The following UIMC1 variants were observed in gnomAD, a reference collection of about 807,000 sequenced individuals.
The protein encoded by UIMC1 is BRCA1-A complex subunit RAP80.
Under a neutral mutation model 84.9 loss-of-function variants are expected in UIMC1, and 42 were observed. The ratio of observed to expected loss-of-function variants is 0.49; its 90% confidence interval spans 0.39 to 0.64. The LOEUF (loss-of-function observed/expected upper bound fraction) is 0.64, where lower values mean the gene tolerates loss of function less well. Ranked by LOEUF, UIMC1 falls within the 30% of genes least tolerant of loss-of-function variation. The pLI is 0.00. For synonymous variants in UIMC1, 281 were observed against 293.0 expected (o/e 0.96, Z 0.42); for missense variants, 825 against 847.6 (o/e 0.97, Z 0.33).
At chr5:176,915,504 G>T (rs188426391) in intron 10 of UIMC1, among the ~76,000 whole-genome samples, 1 of 150,090 alleles carries the variant, frequency 6.7e-6, no homozygotes, top group Non-Finnish European at 1.5e-5. Context: ...CACCCAGGCT[G>T]GAGTGCAGTG....
At chr5:176,973,306 A>T (rs994360191) in intron 3 of UIMC1, among the ~76,000 whole-genome samples, 6 of 152,206 alleles carry the variant, frequency 3.9e-5, no homozygotes, top group Non-Finnish European at 5.9e-5. Context: ...AAATAAAATA[A>T]AATAAAAATC....
In UIMC1 at chr5:176,947,871, G is replaced by C. The variant is rs148353194; in HGVS notation, c.1443+3603C>G. ...TTTTCAAAAGAGGTACTTAGATACT[G>C]AATCTCGACATCTTAAAGGTTGTTG... On this transcript the variant is annotated intron_variant, in intron 9 of 14. Coordinates refer to ENST00000511320, the MANE Select transcript of UIMC1 (RefSeq NM_001199298.2). Among the ~76,000 whole-genome samples the C allele has an allele frequency of 9.1e-3, 1,368 of 151,044 alleles. 8 individuals carry two copies. Among genetic ancestry groups the C allele is most frequent in the South Asian group, 0.024 (114 of 4,770 alleles).
intron 1 of UIMC1, among the ~76,000 whole-genome samples, chr5:177,003,651 TC>T (rs151325347): frequency 0.027 from 4,068 of 152,082 alleles, 198 homozygotes; most frequent in African/African-American, 0.093. Context: ...AGACTCTGTC[TC>T]AAAAACAAAC....
rs184903933 is a variant in UIMC1 at position 176,950,789 on chromosome 5, G to A, written c.1443+685C>T. On this transcript the variant is annotated intron_variant, in intron 9 of 14. Transcript: ENST00000511320. ...GGTGGCTGAGGCAGGAGAAACACTT[G>A]GACCAGGAAGGCAGAGGTTGCAGTG... Among the ~76,000 whole-genome samples, 408 of 152,086 alleles carry A rather than the reference G, an allele frequency of 2.7e-3. 1 individual carries two copies. Among genetic ancestry groups the A allele is most frequent in the African/African-American group, 9.6e-3 (398 of 41,482 alleles).
In UIMC1 at chr5:176,946,829, G is replaced by A. The variant is rs200868493; in HGVS notation, c.1444-3341C>T. Among the ~76,000 whole-genome samples, 3 of 151,960 alleles carry A rather than the reference G, an allele frequency of 2.0e-5. No homozygotes were observed. The East Asian group carries it at 5.8e-4, about 29-fold the overall frequency. ...CAGCCTAGGCAACAGAGGGAGACCC[G>A]GCCTCAAAAAAGAAAAGACAAATAG... On this transcript the variant is annotated intron_variant, in intron 9 of 14. Coordinates refer to ENST00000511320, the MANE Select transcript of UIMC1 (RefSeq NM_001199298.2).
intron 2 of UIMC1, among the ~76,000 whole-genome samples, chr5:176,977,883 C>T (rs1242065421): frequency 6.6e-6 from 1 of 151,834 alleles, no homozygotes; most frequent in Non-Finnish European, 1.5e-5. Context: ...TGCACTCCAG[C>T]TTGGGCAACA....
intron 10 of UIMC1, among the ~76,000 whole-genome samples, chr5:176,931,572 G>A (rs1763087896): frequency 6.6e-6 from 1 of 152,232 alleles, no homozygotes. Flanking sequence ...AATTCATGCA[G>A]ACGTACACTG....
At chr5:176,991,582 G>A (rs1233893402) in intron 1 of UIMC1, among the ~76,000 whole-genome samples, 2 of 150,030 alleles carry the variant, frequency 1.3e-5, no homozygotes, top group East Asian at 2.0e-4. Context: ...GCCAGGCATG[G>A]TGGCACTATT....
Position 176,958,121 on chromosome 5 carries a change from C to T in UIMC1, c.1234G>A (p.Glu412Lys), listed in dbSNP as rs374907372. ...TGTGAAGCAGGTACAGAGTTTCCCT[C>T]TTCAGAAGTTTCTTCAACAATCCCT... ...SQGIVEETSE[E>K]GNSVPASQSV... Residue 412 changes from glutamate to lysine, a missense_variant, in exon 7 of 15, where the codon GAG becomes AAG. Physicochemically the swap from Glu to Lys is moderately conservative, Grantham distance 56 (BLOSUM62 1). Transcript: ENST00000511320. The T allele has an allele frequency of 6.2e-7, 1 of 1,613,804 alleles. No individual in the cohort carries two copies. Among genetic ancestry groups the T allele is most frequent in the Non-Finnish European group, 8.5e-7 (1 of 1,179,856 alleles).
intron 8 of UIMC1, among the ~76,000 whole-genome samples, chr5:176,953,945 T>C (rs1315395113): frequency 6.6e-6 from 1 of 152,176 alleles, no homozygotes; most frequent in African/African-American, 2.4e-5. Context: ...ATATAACTTC[T>C]AAATTATATA....
chr5:176,993,132 G>C (rs1773122124), intron 1 of UIMC1, among the ~76,000 whole-genome samples: 1 of 148,754 alleles, frequency 6.7e-6, no homozygotes, highest in African/African-American at 2.5e-5. Flanking sequence ...GTTGAGCCAA[G>C]ACTGTGCCAC....
At chr5:176,980,620 T>C (rs1208470012) in intron 2 of UIMC1, among the ~76,000 whole-genome samples, 1 of 152,234 alleles carries the variant, frequency 6.6e-6, no homozygotes, top group Non-Finnish European at 1.5e-5. Flanking sequence ...CATATCTTTC[T>C]AAACTGTTAT....
At chr5:176,928,834 C>CCAGCTA (rs545468357) in intron 10 of UIMC1, among the ~76,000 whole-genome samples, 58 of 152,068 alleles carry the variant, frequency 3.8e-4, no homozygotes, top group African/African-American at 1.4e-3. Context: ...ACCTGTAGTC[C>CCAGCTA]CAGCTACTTG....
intron 10 of UIMC1, among the ~76,000 whole-genome samples, chr5:176,924,669 T>C (rs772178796): frequency 1.4e-4 from 21 of 151,970 alleles, no homozygotes; most frequent in Non-Finnish European, 2.8e-4. Context: ...TATACCTAAA[T>C]AGAAAATAAT....
At chr5:176,995,561 A>AG (rs1263746418) in intron 1 of UIMC1, among the ~76,000 whole-genome samples, 163 of 141,412 alleles carry the variant, frequency 1.2e-3, no homozygotes, top group African/African-American at 4.3e-3. Context: ...AAAAAAAAAA[A>AG]GGCCAGGCAC....
chr5:176,981,699 G>A (rs1056311999), intron 2 of UIMC1, among the ~76,000 whole-genome samples: 3 of 152,006 alleles, frequency 2.0e-5, no homozygotes, highest in Non-Finnish European at 4.4e-5. Flanking sequence ...TACATGGGAG[G>A]CTGAGGTGGG....
At chr5:176,921,083 T>C (rs568631948) in intron 10 of UIMC1, among the ~76,000 whole-genome samples, 66 of 152,350 alleles carry the variant, frequency 4.3e-4, no homozygotes, top group African/African-American at 1.2e-3. Context: ...TTAACTGATT[T>C]TCTAATGTTA....
chr5:176,921,137 G>C (rs187403231), intron 10 of UIMC1, among the ~76,000 whole-genome samples: 83 of 152,266 alleles, frequency 5.5e-4, no homozygotes, highest in Admixed American at 1.3e-3. Flanking sequence ...AGTAGTACTT[G>C]AGAGAACTTC....
At chr5:176,939,238 CAG>C (rs1764111053) in intron 10 of UIMC1, among the ~76,000 whole-genome samples, 1 of 124,662 alleles carries the variant, frequency 8.0e-6, no homozygotes, top group South Asian at 2.5e-4. Context: ...GCCTGGGTGA[CAG>C]AGTGAGATCC....
Sources: gnomAD v4.1 joint callset for allele counts (sites outside exome capture counted in the v4.1 genomes callset) on GRCh38, gnomAD v4.1.1 for gene constraint, MANE v1.5 for transcripts, NCBI Gene and HGNC (gene_info 2026-07-23, HGNC 2026-07-21) for gene names.